The following FILIP1 variants were observed in gnomAD, a reference collection of about 807,000 sequenced individuals.
The protein encoded by FILIP1 is filamin A interacting protein 1.
A neutral mutation model predicts 102.1 loss-of-function variants in FILIP1; 61 were observed. The ratio of observed to expected loss-of-function variants is 0.60; its 90% CI spans 0.49 to 0.74. The LOEUF (loss-of-function observed/expected upper bound fraction) is 0.74. Among genes scored for constraint, FILIP1 ranks in the 30% least tolerant of loss-of-function variants. The pLI, the probability that FILIP1 is intolerant of heterozygous loss-of-function variation, is 0.00. For synonymous variants in FILIP1, 491 were observed against 526.9 expected, an observed-to-expected ratio of 0.93 and a Z score of 0.93; for missense variants, 1,314 against 1,441.2, an observed-to-expected ratio of 0.91 and a Z score of 1.43.
chr6:75,348,521 A>C (rs74913587), intron 4 of FILIP1, among the ~76,000 whole-genome samples: 18 of 152,362 alleles, frequency 1.2e-4, no homozygotes, highest in African/African-American at 3.6e-4. Context: ...GTTGACTTAG[A>C]ATAAAGGAAG....
At chr6:75,419,934 A>G (rs1179203953) in intron 1 of FILIP1, among the ~76,000 whole-genome samples, 1 of 152,132 alleles carries the variant, frequency 6.6e-6, no homozygotes, top group Non-Finnish European at 1.5e-5. Context: ...TCTTCATCCC[A>G]TTTATGCAAC....
At chr6:75,453,548 C>T (rs1372724728) in intron 1 of FILIP1, among the ~76,000 whole-genome samples, 2 of 152,164 alleles carry the variant, frequency 1.3e-5, no homozygotes, top group East Asian at 3.8e-4. Context: ...TGGTGGCTCA[C>T]ACCTGTAATC....
intron 1 of FILIP1, among the ~76,000 whole-genome samples, chr6:75,463,121 G>A (rs1779071156): frequency 6.6e-6 from 1 of 152,198 alleles, no homozygotes. Flanking sequence ...ATATCTGTGA[G>A]CAAAGGGCCA....
intron 2 of FILIP1, among the ~76,000 whole-genome samples, chr6:75,391,907 A>G (rs1224622623): frequency 6.6e-6 from 1 of 152,140 alleles, no homozygotes; most frequent in Non-Finnish European, 1.5e-5. Context: ...GCCCACTCCA[A>G]CCAGGCTTCT....
chr6:75,418,106 G>C (rs1777331697), intron 1 of FILIP1, among the ~76,000 whole-genome samples: 1 of 152,216 alleles, frequency 6.6e-6, no homozygotes, highest in South Asian at 2.1e-4. Flanking sequence ...ACTGATGCAG[G>C]AGAATCACTT....
In FILIP1 at chr6:75,371,293, C is replaced by T. The variant is rs562257979; in HGVS notation, c.277-8376G>A. Among the ~76,000 whole-genome samples the T allele has an allele frequency of 7.2e-5, 11 of 152,258 alleles. 1 individual carries two copies. Among genetic ancestry groups the T allele is most frequent in the South Asian group, 4.1e-4 (2 of 4,822 alleles). On this transcript the variant is annotated intron_variant, in intron 2 of 5. Coordinates refer to ENST00000237172, the MANE Select transcript of FILIP1 (RefSeq NM_015687.5). ...TAGTAGCCTAAAAGCCTATATAGAGCTTGTTCATAAAAGAGTAGCACTTCA... is the reference window on the plus strand; with the variant it reads ...TAGTAGCCTAAAAGCCTATATAGAGTTTGTTCATAAAAGAGTAGCACTTCA...
chr6:75,404,762 C>T (rs1191756332), intron 2 of FILIP1, among the ~76,000 whole-genome samples: 1 of 152,186 alleles, frequency 6.6e-6, no homozygotes, highest in East Asian at 1.9e-4. Flanking sequence ...CATCTTTCCT[C>T]CTTCCATCAC....
chr6:75,334,790 T>C (rs1774186652), intron 4 of FILIP1: 1 of 151,992 alleles, frequency 6.6e-6, no homozygotes, highest in African/African-American at 2.4e-5. Context: ...ATCAGAACAA[T>C]GAAAGGTGAA....
Position 75,414,827 on chromosome 6 carries a change from A to T in FILIP1, c.146T>A (p.Val49Asp), listed in dbSNP as rs1777200905. ...TCGTTTGACAGTTCCTGAGGCCATG[A>T]CATCATCCTCCTTCCTATTTGATTT... is the stretch of plus-strand genomic sequence containing the variant. ...KKKSNRKEDD[V>D]MASGTVKRHL... is the part of the protein sequence containing the mutation. Residue 49 changes from valine to aspartate, a missense_variant, in exon 2 of 6, where the codon GTC becomes GAC. Transcript: ENST00000237172. 6.2e-7 allele frequency: 1 copy of T among 1,613,760 alleles called. No homozygotes were observed. Among genetic ancestry groups the T allele is most frequent in the African/African-American group, 1.3e-5 (1 of 74,872 alleles).
At chr6:75,334,609 T>C (rs1264236150) in intron 4 of FILIP1, 1 of 152,146 alleles carries the variant, frequency 6.6e-6, no homozygotes, top group Non-Finnish European at 1.5e-5. Flanking sequence ...GTAACTAACA[T>C]TGCTTAAATC....
intron 1 of FILIP1, among the ~76,000 whole-genome samples, chr6:75,415,836 G>A (rs1394865914): frequency 6.6e-6 from 1 of 152,140 alleles, no homozygotes; most frequent in Non-Finnish European, 1.5e-5. Flanking sequence ...GCACATTCAA[G>A]TCATCCCATG....
chr6:75,419,189 T>C (rs1308492786), intron 1 of FILIP1, among the ~76,000 whole-genome samples: 1 of 152,184 alleles, frequency 6.6e-6, no homozygotes, highest in East Asian at 1.9e-4. Flanking sequence ...CAGACTTCCT[T>C]AGCTCTTGCA....
At chr6:75,478,813 C>T (rs1194088258) in intron 1 of FILIP1, among the ~76,000 whole-genome samples, 6 of 152,146 alleles carry the variant, frequency 3.9e-5, no homozygotes, top group African/African-American at 7.2e-5. Flanking sequence ...ACAAATACTA[C>T]GGTAAACCAA....
In FILIP1 at chr6:75,308,793, A is replaced by G. The variant is rs748241916; in HGVS notation, c.3540T>C (p.Asn1180=). The change falls in exon 6 of 6, where the codon AAT becomes AAC. Residue 1180 remains asparagine, a synonymous_variant. Transcript: ENST00000237172. ...CAGCTCGAGGCTCGAATTTGGTCAG[A>G]TTTCCTGCTCCTGGGGCTGCCACTA... ...KPVVAAPGAG[N]LTKFEPRAET... 4 of 1,613,756 alleles carry G rather than the reference A, an allele frequency of 2.5e-6. No individual in the cohort carries two copies. Among genetic ancestry groups the G allele is most frequent in the Admixed American group, 3.3e-5 (2 of 59,986 alleles).
exon 7 of FILIP1, chr6:75,293,849 A>G (rs963725783): frequency 5.9e-5 from 9 of 152,200 alleles, no homozygotes; most frequent in Admixed American, 4.6e-4. Context: ...GAGTCAAAAA[A>G]TATAACAGTA....
At chr6:75,357,904 T>C (rs2808200) in intron 3 of FILIP1, among the ~76,000 whole-genome samples, 5,478 of 152,256 alleles carry the variant, frequency 0.036, 351 homozygotes, top group African/African-American at 0.13. Flanking sequence ...TAATCATAGA[T>C]ACTATATGTA....
intron 1 of FILIP1, among the ~76,000 whole-genome samples, chr6:75,467,626 G>T (rs1296065867): frequency 6.6e-6 from 1 of 152,174 alleles, no homozygotes; most frequent in Non-Finnish European, 1.5e-5. Flanking sequence ...TGGTAGAACG[G>T]AAATAGATTG....
At chr6:75,434,446 T>A (rs375805242) in intron 1 of FILIP1, among the ~76,000 whole-genome samples, 5 of 152,148 alleles carry the variant, frequency 3.3e-5, no homozygotes, top group Admixed American at 1.3e-4. Context: ...ATTCTCTTTG[T>A]AGCAATTGTG....
intron 1 of FILIP1, among the ~76,000 whole-genome samples, chr6:75,430,865 G>T (rs1377149155): frequency 6.6e-6 from 1 of 152,160 alleles, no homozygotes; most frequent in Admixed American, 6.6e-5. Context: ...CCCTAAGAGG[G>T]GAAAGTAAGC....
Sources: gnomAD v4.1 joint callset for allele counts (sites outside exome capture counted in the v4.1 genomes callset) on GRCh38, gnomAD v4.1.1 for gene constraint, MANE v1.5 for transcripts, NCBI Gene and HGNC (gene_info 2026-07-23, HGNC 2026-07-21) for gene names.